Variants in ABCB8 observed in about 807,000 individuals in gnomAD.
ABCB8 encodes the protein ATP binding cassette subfamily B member 8, also known as mitochondrial potassium channel ATP-binding subunit.
ABCB8 carries 52 observed loss-of-function variants against 73.0 expected under a neutral mutation model. The ratio of observed to expected loss-of-function variants is 0.71; its 90% CI spans 0.57 to 0.90. The LOEUF (loss-of-function observed/expected upper bound fraction) is 0.90. ABCB8 is among the 40% of genes least tolerant of loss of function. The pLI, the probability that ABCB8 is intolerant of heterozygous loss-of-function variation, is 0.00. For missense variants in ABCB8, 909 were observed against 974.6 expected (o/e 0.93, Z 0.90); for synonymous variants, 428 against 423.5 (o/e 1.01, Z -0.13).
At chr7:151,029,111 C>A in intron 1 of ABCB8, 1 of 658,660 alleles carries the variant, frequency 1.5e-6, no homozygotes, top group Non-Finnish European at 2.0e-6. Context: ...ACCAGCCTGG[C>A]CAACATGGCA....
At chr7:151,036,504 T>C (rs1421660200) in intron 8 of ABCB8, 40 bp from the exon 9 acceptor site, 9 of 1,543,374 alleles carry the variant, frequency 5.8e-6, no homozygotes, top group Non-Finnish European at 8.1e-6. Context: ...CTGTTTCCTC[T>C]GCCCTGGCTT....
At position 151,047,674 on chromosome 7, in the gene ABCB8, T is replaced by G. The variant is rs949877420; in HGVS notation, c.*2325T>G. The G allele has an allele frequency of 2.6e-5, 4 of 152,182 alleles. No homozygotes were observed. Among genetic ancestry groups the G allele is most frequent in the African/African-American group, 9.7e-5 (4 of 41,432 alleles). 9.4% of individuals were successfully genotyped at this position (152,182 alleles called of 1,614,324 possible). A position where few individuals can be genotyped will look rare whatever the true frequency, so the allele number is the denominator to read the frequency against. On this transcript the variant is annotated 3_prime_UTR_variant, in exon 16 of 16. Coordinates refer to ENST00000358849, the MANE Select transcript of ABCB8 (RefSeq NM_007188.5). ...AAAAAGCCCACCAAAGTCCTGGGAGTTCACATCTGTGTGATGATACGGCAA... is the reference window on the plus strand; with the variant it reads ...AAAAAGCCCACCAAAGTCCTGGGAGGTCACATCTGTGTGATGATACGGCAA...
At chr7:151,035,781 A>G (rs1389099633) in intron 6 of ABCB8, 39 bp downstream of exon 6, 8 of 1,609,380 alleles carry the variant, frequency 5.0e-6, no homozygotes, top group East Asian at 4.5e-5. Context: ...CCCTCCCCAC[A>G]CCGTTTCTCT....
At chr7:151,043,939 T>C (rs2117243162) in intron 14 of ABCB8, 32 bp from the exon 15 acceptor site, 1 of 1,602,880 alleles carries the variant, frequency 6.2e-7, no homozygotes, top group Non-Finnish European at 8.5e-7. Flanking sequence ...AGTGCACAGC[T>C]TCAGGCTCCT....
rs1796600542 is a variant in ABCB8, at chr7:151,045,943, C to G, written c.*594C>G. On this transcript the variant is annotated 3_prime_UTR_variant, in exon 16 of 16. Coordinates refer to ENST00000358849, the MANE Select transcript of ABCB8 (RefSeq NM_007188.5). The stretch of plus-strand genomic sequence containing the variant: ...TCCAAACAACCTCCCTCCTTTCTCC[C>G]TGCACAGTGAACACAGTCCTGATTT... 1 of 152,420 alleles carries G rather than the reference C, an allele frequency of 6.6e-6. No homozygotes were observed. The highest frequency in any genetic ancestry group is 2.1e-4 in the South Asian group (1 of 4,834). 9.4% of individuals were successfully genotyped at this position (152,420 alleles called of 1,614,324 possible). A position where few individuals can be genotyped will look rare whatever the true frequency, so the allele number is the denominator to read the frequency against.
intron 1 of ABCB8, chr7:151,031,270 A>G: frequency 1.3e-6 from 2 of 1,555,730 alleles, no homozygotes; most frequent in Non-Finnish European, 1.7e-6. Flanking sequence ...AAAACTGGAC[A>G]GTTACACAAG....
intron 13 of ABCB8, 146 bp downstream of exon 13, chr7:151,041,378 G>C (rs1200367476): frequency 8.5e-7 from 1 of 1,172,258 alleles, no homozygotes; most frequent in African/African-American, 1.6e-5. Flanking sequence ...CATGTCCTCA[G>C]CTGTTGTCTG....
intron 2 of ABCB8, among the ~76,000 whole-genome samples, 173 bp from the exon 3 acceptor site, chr7:151,034,100 C>G (rs566800941): frequency 6.6e-6 from 1 of 152,158 alleles, no homozygotes; most frequent in Non-Finnish European, 1.5e-5. Context: ...TCCGTGGGGA[C>G]TGGAAGCCAG....
chr7:151,028,643 A>G (rs781689108), intron 1 of ABCB8, 33 bp downstream of exon 1: 7 of 1,599,884 alleles, frequency 4.4e-6, no homozygotes, highest in Non-Finnish European at 6.0e-6. Flanking sequence ...AGAGCGGGCC[A>G]TTGACCGCCC....
Position 151,045,604 on chromosome 7 carries a change from C to CA in ABCB8, c.*256dup. 2.3e-6 allele frequency: 1 copy of CA among 433,622 alleles called. No homozygotes were observed. The highest frequency in any genetic ancestry group is 4.0e-6 in the Non-Finnish European group (1 of 248,930). 26.9% of individuals were successfully genotyped at this position (433,622 alleles called of 1,614,324 possible). A position where few individuals can be genotyped will look rare whatever the true frequency, so the allele number is the denominator to read the frequency against. On this transcript the variant is annotated 3_prime_UTR_variant, in exon 16 of 16. Transcript: ENST00000358849. ...GTCATTGGGCTGCAATGGGCAGAGA[C>CA]AGAGTTCCACGAGACACCTCCACTC...
At position 151,046,389 on chromosome 7, in the gene ABCB8, G is replaced by A. The variant is rs1302359906; in HGVS notation, c.*1040G>A. On this transcript the variant is annotated 3_prime_UTR_variant, in exon 16 of 16. Coordinates refer to ENST00000358849, the MANE Select transcript of ABCB8 (RefSeq NM_007188.5). ...GGGAAGGCAGACATCCTGAGTGATG[G>A]GCGCCTGTGGCCCTGAGACTGTGGA... The A allele has an allele frequency of 6.6e-6, 1 of 152,342 alleles. No homozygotes were observed. Among genetic ancestry groups the A allele is most frequent in the Non-Finnish European group, 1.5e-5 (1 of 68,104 alleles). 9.4% of individuals were successfully genotyped at this position (152,342 alleles called of 1,614,324 possible). A position where few individuals can be genotyped will look rare whatever the true frequency, so the allele number is the denominator to read the frequency against.
Position 151,034,836 on chromosome 7 carries a change from G to A in ABCB8, c.765+7G>A. On this transcript the variant is annotated splice_region_variant and intron_variant, in intron 5 of 15. Coordinates refer to ENST00000358849, the MANE Select transcript of ABCB8 (RefSeq NM_007188.5). ...CAAGCTTGTCATCTCCCAGGTCAGT[G>A]GCCCAGTGGCCCCCACCACGTCCAC... is the stretch of plus-strand genomic sequence containing the variant. 6.2e-7 allele frequency: 1 copy of A among 1,608,110 alleles called. No individual in the cohort carries two copies. The highest frequency in any genetic ancestry group is 8.5e-7 in the Non-Finnish European group (1 of 1,175,732).
rs749746761 is a variant in ABCB8 at position 151,034,847 on chromosome 7, C to T, written c.765+18C>T. On this transcript the variant is annotated intron_variant, in intron 5 of 15. Transcript: ENST00000358849. ...TCTCCCAGGTCAGTGGCCCAGTGGC[C>T]CCCACCACGTCCACACACACACTTT... The T allele has an allele frequency of 5.6e-6, 9 of 1,596,900 alleles. No homozygotes were observed. The South Asian group carries it at 7.8e-5, about 14-fold the overall frequency.
intron 10 of ABCB8, 44 bp from the exon 11 acceptor site, chr7:151,040,454 C>T (rs201456717): frequency 2.5e-6 from 4 of 1,591,538 alleles, no homozygotes; most frequent in Admixed American, 3.4e-5. Flanking sequence ...GCTGTTGTCA[C>T]CCCTACTCCT....
At chr7:151,037,090 A>G in intron 9 of ABCB8, 1 of 698,936 alleles carries the variant, frequency 1.4e-6, no homozygotes, top group Non-Finnish European at 2.6e-6. Flanking sequence ...TCCCCATGAC[A>G]TGGGAATCCC....
In ABCB8 at chr7:151,035,960, G is replaced by C. The variant is rs774567306; in HGVS notation, c.1006G>C (p.Glu336Gln). ...GCGTGCCTTCGCCATGGAGCAACGG[G>C]AAGAGGAGTGAGTCCTGGGAGGGCG... The part of the protein sequence containing the change: ...TVRAFAMEQR[E>Q]EERYGAELEA... The change falls in exon 7 of 16, where the codon GAA becomes CAA. Residue 336 changes from glutamate to glutamine, a missense_variant. Coordinates refer to ENST00000358849, the MANE Select transcript of ABCB8 (RefSeq NM_007188.5). The C allele has an allele frequency of 2.5e-6, 4 of 1,613,872 alleles. No homozygotes were observed. Among genetic ancestry groups the C allele is most frequent in the African/African-American group, 1.3e-5 (1 of 75,068 alleles).
chr7:151,040,856 C>T lies in ABCB8; in HGVS notation c.1417C>T (p.Leu473=). Residue 473 remains leucine, a synonymous_variant, in exon 12 of 16, where the codon CTG becomes TTG. Transcript: ENST00000358849. ...SYPCRPGFEV[L]KDFTLTLPPG... Reference sequence around the variant, plus strand: ...CCCCTGCCGCCCCGGCTTCGAGGTGCTGAAAGACTTCACCCTGACGCTGCC... The same window carrying T: ...CCCCTGCCGCCCCGGCTTCGAGGTGTTGAAAGACTTCACCCTGACGCTGCC... 6.2e-7 allele frequency: 1 copy of T among 1,602,570 alleles called. No homozygotes were observed. The highest frequency in any genetic ancestry group is 8.5e-7 in the Non-Finnish European group (1 of 1,174,910).
At chr7:151,037,525 C>T in intron 9 of ABCB8, 2 of 593,086 alleles carry the variant, frequency 3.4e-6, no homozygotes, top group Non-Finnish European at 6.0e-6. Flanking sequence ...AAGCTAAACA[C>T]AAGCAGTTCT....
At position 151,045,472 on chromosome 7, in the gene ABCB8, C is replaced by T; in HGVS notation, c.*123C>T. 3 of 1,230,068 alleles carry T rather than the reference C, an allele frequency of 2.4e-6. No homozygotes were observed. The highest frequency in any genetic ancestry group is 3.1e-6 in the Non-Finnish European group (3 of 953,696). 76.2% of individuals were successfully genotyped at this position (1,230,068 alleles called of 1,614,324 possible). The stretch of plus-strand genomic sequence containing the variant: ...AGCATGTGGAGAGTCGCTGCGGCTG[C>T]TCCTGCTCACAATAAAGCCGGGGCC... On this transcript the variant is annotated 3_prime_UTR_variant, in exon 16 of 16. Transcript: ENST00000358849.
Sources: gnomAD v4.1 joint callset for allele counts (sites outside exome capture counted in the v4.1 genomes callset) on GRCh38, gnomAD v4.1.1 for gene constraint, MANE v1.5 for transcripts, NCBI Gene and HGNC (gene_info 2026-07-23, HGNC 2026-07-21) for gene names.